Variants in DYNC1LI2 observed in about 807,000 individuals in gnomAD.
The protein encoded by DYNC1LI2 is dynein cytoplasmic 1 light intermediate chain 2, also known as cytoplasmic dynein 1 light intermediate chain 2.
A neutral mutation model predicts 57.8 loss-of-function variants in DYNC1LI2; 19 were observed. The ratio of observed to expected loss-of-function variants is 0.33; its 90% CI spans 0.23 to 0.48. The LOEUF (loss-of-function observed/expected upper bound fraction) is 0.48. Ranked by LOEUF, DYNC1LI2 falls within the 20% of genes least tolerant of loss-of-function variation. The pLI, the probability that DYNC1LI2 is intolerant of heterozygous loss-of-function variation, is 0.99. For missense variants in DYNC1LI2, 470 were observed against 604.2 expected (o/e 0.78, Z 2.33); for synonymous variants, 256 against 233.4 (o/e 1.10, Z -0.88).
At chr16:66,736,034 C>T in intron 5 of DYNC1LI2, 41 bp downstream of exon 5, 1 of 1,595,886 alleles carries the variant, frequency 6.3e-7, no homozygotes, top group Non-Finnish European at 8.6e-7. Context: ...TGACTGTTCA[C>T]CACCCGAACC....
At chr16:66,744,640 C>A (rs1006854610) in intron 3 of DYNC1LI2, among the ~76,000 whole-genome samples, 2 of 151,954 alleles carry the variant, frequency 1.3e-5, no homozygotes, top group Non-Finnish European at 2.9e-5. Context: ...GCCGCCACCC[C>A]TCCCTGCTGC....
chr16:66,730,165 C>G lies in DYNC1LI2; in HGVS notation c.988G>C (p.Val330Leu), dbSNP rs755502936. The G allele has an allele frequency of 6.2e-7, 1 of 1,614,026 alleles. No homozygotes were observed. The highest frequency in any genetic ancestry group is 1.1e-5 in the South Asian group (1 of 91,062). ...IAILHENFTT[V>L]KPEDAYEDFI... ...TCTTCATATGCATCTTCCGGCTTCA[C>G]GGTTGTAAAATTTTCATGTAAAATA... The change falls in exon 8 of 13, where the codon GTG becomes CTG. Residue 330 changes from valine (V) to leucine (L), a missense_variant. Physicochemically the swap from Val to Leu is conservative, Grantham distance 32 (BLOSUM62 1). Transcript: ENST00000258198.
chr16:66,746,267 G>C (rs992826173), intron 3 of DYNC1LI2, among the ~76,000 whole-genome samples: 1 of 152,088 alleles, frequency 6.6e-6, no homozygotes, highest in Non-Finnish European at 1.5e-5. Context: ...ATCACACCAC[G>C]TGTAGCATTA....
At chr16:66,749,896 C>T (rs2018010931) in intron 2 of DYNC1LI2, among the ~76,000 whole-genome samples, 1 of 152,198 alleles carries the variant, frequency 6.6e-6, no homozygotes. Context: ...TTATTAAGCA[C>T]TTCTTCATCT....
rs1433355327 is a variant in DYNC1LI2 at position 66,728,024 on chromosome 16, T to G, written c.1143+177A>C. 14 of 951,436 alleles carry G rather than the reference T, an allele frequency of 1.5e-5. No individual in the cohort carries two copies. In the East Asian group the frequency reaches 3.7e-4, roughly 25 times the overall value. The allele number at this position is 951,436 out of a possible 1,614,324, so 58.9% of individuals were successfully genotyped here. A position where few individuals can be genotyped will look rare whatever the true frequency, so the allele number is the denominator to read the frequency against. ...ACTCTAATTCCCAGAGTTGTATTCT[T>G]TCATCAGAAACTTCTTGAGTTTCTT... On this transcript the variant is annotated intron_variant, in intron 10 of 12. Transcript: ENST00000258198.
At chr16:66,744,370 A>T (rs2017898562) in intron 3 of DYNC1LI2, among the ~76,000 whole-genome samples, 1 of 152,152 alleles carries the variant, frequency 6.6e-6, no homozygotes, top group Non-Finnish European at 1.5e-5. Flanking sequence ...TAATTGTTGA[A>T]GCAAGGTGAC....
intron 5 of DYNC1LI2, among the ~76,000 whole-genome samples, chr16:66,735,100 G>GTTTT (rs71145936): frequency 3.8e-4 from 51 of 134,748 alleles, no homozygotes; most frequent in Non-Finnish European, 4.7e-4. Context: ...AACTTTGTTT[G>GTTTT]TTTTTTTTTT....
chr16:66,746,100 T>C lies in DYNC1LI2; in HGVS notation c.298+3097A>G, dbSNP rs542640703. Among the ~76,000 whole-genome samples the C allele has an allele frequency of 1.2e-4, 19 of 152,176 alleles. 1 individual carries two copies. In the East Asian group the frequency reaches 3.7e-3, roughly 29 times the overall value. ...TCTAGCAATACTTTCAAATTCTATT[T>C]TAGCGGCTTTAGTTTGGGTTCTGTG... On this transcript the variant is annotated intron_variant, in intron 3 of 12. Coordinates refer to ENST00000258198, the MANE Select transcript of DYNC1LI2 (RefSeq NM_006141.3).
In DYNC1LI2 at chr16:66,742,222, T is replaced by C. The variant is rs1220657138; in HGVS notation, c.529+216A>G. Among the ~76,000 whole-genome samples, 4 of 152,150 alleles carry C rather than the reference T, an allele frequency of 2.6e-5. No homozygotes were observed. The East Asian group carries it at 7.7e-4, about 29-fold the overall frequency. On this transcript the variant is annotated intron_variant, in intron 4 of 12. Coordinates refer to ENST00000258198, the MANE Select transcript of DYNC1LI2 (RefSeq NM_006141.3). ...AACGGAAACCAATGAAGATAATAAA[T>C]ATTGATTTGTTTTCTTCAACTTGTG...
chr16:66,736,356 G>T, intron 4 of DYNC1LI2, 112 bp from the exon 5 acceptor site: 3 of 1,292,178 alleles, frequency 2.3e-6, no homozygotes, highest in South Asian at 1.5e-5. Context: ...AGTTGTGTGT[G>T]ACAAACTTCT....
chr16:66,740,913 T>G (rs1158098274), intron 4 of DYNC1LI2, among the ~76,000 whole-genome samples: 1 of 152,250 alleles, frequency 6.6e-6, no homozygotes, highest in Admixed American at 6.5e-5. Context: ...TAAGCCATTA[T>G]GTTATCTCAG....
At chr16:66,738,519 G>A (rs1335386360) in intron 4 of DYNC1LI2, among the ~76,000 whole-genome samples, 1 of 151,570 alleles carries the variant, frequency 6.6e-6, no homozygotes, top group Non-Finnish European at 1.5e-5. Context: ...CAAAGTGCTG[G>A]GATTACAGGC....
chr16:66,727,612 G>GA (rs2017558983), intron 11 of DYNC1LI2, 76 bp downstream of exon 11: 2 of 1,439,998 alleles, frequency 1.4e-6, no homozygotes, highest in Admixed American at 3.8e-5. Context: ...TATAGACTCA[G>GA]CCACCCAGCC....
intron 2 of DYNC1LI2, 101 bp from the exon 3 acceptor site, chr16:66,749,414 A>T: frequency 8.4e-7 from 1 of 1,187,670 alleles, no homozygotes; most frequent in Non-Finnish European, 1.2e-6. Context: ...AATTTCATGC[A>T]AAGTCTGCTG....
At chr16:66,729,532 C>G (rs185197138) in intron 8 of DYNC1LI2, among the ~76,000 whole-genome samples, 21 of 152,152 alleles carry the variant, frequency 1.4e-4, no homozygotes, top group Middle Eastern at 3.4e-3. Flanking sequence ...CCCACTACCC[C>G]CCACAAACTA....
intron 9 of DYNC1LI2, 136 bp from the exon 10 acceptor site, chr16:66,728,378 T>G: frequency 1.0e-6 from 1 of 970,290 alleles, no homozygotes; most frequent in Non-Finnish European, 1.5e-6. Flanking sequence ...ATACCACAGA[T>G]GCCAAAAAAT....
chr16:66,728,566 A>C (rs2017577333), intron 9 of DYNC1LI2, among the ~76,000 whole-genome samples: 1 of 152,178 alleles, frequency 6.6e-6, no homozygotes, highest in African/African-American at 2.4e-5. Context: ...TGATAGGTGG[A>C]CCCAGGACAC....
intron 12 of DYNC1LI2, among the ~76,000 whole-genome samples, chr16:66,724,992 C>T (rs1055302814): frequency 4.7e-5 from 7 of 149,416 alleles, no homozygotes; most frequent in East Asian, 2.0e-4. Context: ...GCCAACATGG[C>T]GAAAAACCGT....
In DYNC1LI2 at chr16:66,724,616, T is replaced by C. The variant is rs1252588014; in HGVS notation, c.1379-794A>G. ...AAATGTGTAATTCCCAAGGAAAACA[T>C]GTTTTGTTTTGTTTCAGAGATCTCC... On this transcript the variant is annotated intron_variant, in intron 12 of 12. Transcript: ENST00000258198. The C allele has an allele frequency of 2.6e-5, 4 of 152,142 alleles. No individual in the cohort carries two copies. In the East Asian group the frequency reaches 7.7e-4, roughly 29 times the overall value. 9.4% of individuals were successfully genotyped at this position (152,142 alleles called of 1,614,324 possible). A position where few individuals can be genotyped will look rare whatever the true frequency, so the allele number is the denominator to read the frequency against.
Sources: gnomAD v4.1 joint callset for allele counts (sites outside exome capture counted in the v4.1 genomes callset) on GRCh38, gnomAD v4.1.1 for gene constraint, MANE v1.5 for transcripts, NCBI Gene and HGNC (gene_info 2026-07-23, HGNC 2026-07-21) for gene names.